Variants in UBA3 observed in about 807,000 individuals in gnomAD.
UBA3 encodes NEDD8-activating enzyme E1 catalytic subunit.
Under a neutral mutation model 73.5 loss-of-function variants are expected in UBA3, and 26 were observed. That is an observed-to-expected ratio of 0.35 (90% CI 0.26 to 0.49). The LOEUF (loss-of-function observed/expected upper bound fraction) is 0.49, where lower values mean the gene tolerates loss of function less well. Ranked by LOEUF, UBA3 falls within the 20% of genes least tolerant of loss-of-function variation. The probability of loss-of-function intolerance (pLI) is 0.98; values close to 1 mark genes in which losing one functional copy is unlikely to be tolerated. For missense variants in UBA3, 495 were observed against 555.6 expected (o/e 0.89, Z 1.10); for synonymous variants, 217 against 191.2 (o/e 1.13, Z -1.11).
At position 69,075,487 on chromosome 3, in the gene UBA3, T is replaced by C. The variant is rs2107500226; in HGVS notation, c.207A>G (p.Thr69=). The C allele has an allele frequency of 6.4e-7, 1 of 1,562,548 alleles. No individual in the cohort carries two copies. Among genetic ancestry groups the C allele is most frequent in the Non-Finnish European group, 8.6e-7 (1 of 1,157,780 alleles). Residue 69 remains threonine (T), a synonymous_variant, in exon 4 of 18, where the codon ACA becomes ACG. Transcript: ENST00000361055. ...CAGCTCCAATGACTAGAACTTTACATGTATCTAACAAGAACTGGAGAGACT... is the reference window on the plus strand; with the variant it reads ...CAGCTCCAATGACTAGAACTTTACACGTATCTAACAAGAACTGGAGAGACT... ...STESLQFLLD[T]CKVLVIGAGG... is the part of the protein sequence containing the mutation.
chr3:69,063,494 A>G lies in UBA3; in HGVS notation c.482T>C (p.Ile161Thr). The stretch of plus-strand genomic sequence containing the variant: ...GATAGAGTCCAGTCCACATACAATA[A>G]TATGAAATTCTACAAAAAAAAAAAA... ...FNDTFYRQFH[I>T]IVCGLDSIIA... Residue 161 changes from isoleucine (I) to threonine (T), a missense_variant, in exon 8 of 18, where the codon ATT becomes ACT. Coordinates refer to ENST00000361055, the MANE Select transcript of UBA3 (RefSeq NM_003968.4). The G allele has an allele frequency of 1.3e-6, 2 of 1,552,704 alleles. No individual in the cohort carries two copies. Among genetic ancestry groups the G allele is most frequent in the Non-Finnish European group, 1.7e-6 (2 of 1,158,206 alleles).
intron 2 of UBA3, 109 bp downstream of exon 2, chr3:69,080,003 G>A (rs1217116843): frequency 7.7e-5 from 80 of 1,042,456 alleles, no homozygotes; most frequent in Admixed American, 2.6e-4. Context: ...CCTGCGCTCC[G>A]GGTGTCCCCC....
In UBA3 at chr3:69,056,707, A is replaced by T; in HGVS notation, c.1002-14T>A. 1 of 1,612,094 alleles carries T rather than the reference A, an allele frequency of 6.2e-7. No individual in the cohort carries two copies. Among genetic ancestry groups the T allele is most frequent in the Non-Finnish European group, 8.5e-7 (1 of 1,179,016 alleles). ...GGAATGTATGCACTGTAATGAAAAA[A>T]TGTTCATCTTTATATAATTAAACCA... On this transcript the variant is annotated splice_polypyrimidine_tract_variant and intron_variant, in intron 13 of 17. Coordinates refer to ENST00000361055, the MANE Select transcript of UBA3 (RefSeq NM_003968.4).
intron 11 of UBA3, among the ~76,000 whole-genome samples, chr3:69,060,379 T>C (rs2092011987): frequency 6.6e-6 from 1 of 151,842 alleles, no homozygotes; most frequent in Non-Finnish European, 1.5e-5. Context: ...CATCCAGCTT[T>C]CAGTGGCTAG....
At chr3:69,068,680 T>G (rs965852235) in intron 5 of UBA3, among the ~76,000 whole-genome samples, 27 of 152,078 alleles carry the variant, frequency 1.8e-4, no homozygotes, top group African/African-American at 6.0e-4. Flanking sequence ...CCTCCCAGGT[T>G]CAAGCAATTC....
intron 11 of UBA3, 183 bp downstream of exon 11, chr3:69,061,631 G>A: frequency 1.0e-5 from 5 of 489,366 alleles, no homozygotes; most frequent in Non-Finnish European, 1.8e-5. Flanking sequence ...TATAGCCTAA[G>A]TAAGTAAGAT....
At chr3:69,077,735 C>G (rs559096223) in intron 3 of UBA3, 63 bp downstream of exon 3, 24 of 1,441,350 alleles carry the variant, frequency 1.7e-5, no homozygotes, top group African/African-American at 1.4e-5. Context: ...AAAAAAGAAG[C>G]ATTCTATTAG....
chr3:69,076,107 G>A (rs1470941226), intron 3 of UBA3, among the ~76,000 whole-genome samples: 1 of 152,102 alleles, frequency 6.6e-6, no homozygotes, highest in African/African-American at 2.4e-5. Context: ...TCTCTAATTT[G>A]TTTTTTAATT....
intron 2 of UBA3, among the ~76,000 whole-genome samples, chr3:69,078,573 A>G (rs2092189293): frequency 1.3e-5 from 2 of 152,122 alleles, no homozygotes; most frequent in South Asian, 4.1e-4. Context: ...TCCTGGGCTC[A>G]AGTGATTCTC....
At chr3:69,080,366 C>T (rs780763139), upstream of UBA3, 6 of 1,598,622 alleles carry the variant, frequency 3.8e-6, 1 homozygote, top group South Asian at 6.8e-5. Context: ...TGTTCTCCGC[C>T]TCTTCCCAGG....
In UBA3 at chr3:69,063,008, A is replaced by T; in HGVS notation, c.667T>A (p.Cys223Ser). 1 of 1,614,084 alleles carries T rather than the reference A, an allele frequency of 6.2e-7. No homozygotes were observed. Among genetic ancestry groups the T allele is most frequent in the Non-Finnish European group, 8.5e-7 (1 of 1,179,986 alleles). Residue 223 changes from cysteine (C) to serine (S), a missense_variant, in exon 9 of 18, where the codon TGC (cysteine) becomes AGC (serine). Transcript: ENST00000361055. ...TGTGGTGGATAAAGTTCCAGCGTGC[A>T]TTCGATACAAGCAGTCATTCCAGGC... Reference protein sequence around the residue: ...ILPGMTACIECTLELYPPQVN... With the variant: ...ILPGMTACIESTLELYPPQVN...
rs765790153 is a variant in UBA3, at chr3:69,078,474, TTTTC to T, written c.63-560_63-557del. Among the ~76,000 whole-genome samples the T allele has an allele frequency of 1.1e-4, 16 of 152,256 alleles. No homozygotes were observed. The South Asian group carries it at 1.7e-3, about 16-fold the overall frequency. On this transcript the variant is annotated intron_variant, in intron 2 of 17. Transcript: ENST00000361055. ...TCTCAGAAATAAGGTTATTTTTTCT[TTTTC>T]TTTTTCTTTTTTTGTGACAGAGTCT...
rs1196462041 is a variant in UBA3 at position 69,062,166 on chromosome 3, A to G, written c.707T>C (p.Met236Thr). 1 of 1,611,462 alleles carries G rather than the reference A, an allele frequency of 6.2e-7. No individual in the cohort carries two copies. Among genetic ancestry groups the G allele is most frequent in the Non-Finnish European group, 8.5e-7 (1 of 1,178,396 alleles). Residue 236 changes from methionine (M) to threonine (T), a missense_variant, in exon 10 of 18, where the codon ATG (methionine) becomes ACG (threonine). Met to Thr is a moderately conservative substitution (Grantham distance 81). Transcript: ENST00000361055. ...CCTGGGCATAGATGCAATGGTGCAC[A>G]TGGGAAAATTAACCTAAAACCACAG... The part of the protein sequence containing the change: ...ELYPPQVNFP[M>T]CTIASMPRLP...
chr3:69,062,357 C>G (rs2092028725), intron 9 of UBA3, among the ~76,000 whole-genome samples, 178 bp from the exon 10 acceptor site: 1 of 152,194 alleles, frequency 6.6e-6, no homozygotes, highest in African/African-American at 2.4e-5. Context: ...TTCACTTAGG[C>G]TGCACTGCCT....
intron 3 of UBA3, 48 bp from the exon 4 acceptor site, chr3:69,075,558 G>T: frequency 8.5e-7 from 1 of 1,175,042 alleles, no homozygotes; most frequent in Non-Finnish European, 1.2e-6. Context: ...TAACCGCAAA[G>T]ACTATAAATA....
At chr3:69,080,312 T>G in intron 1 of UBA3, 22 bp downstream of exon 1, 3 of 1,604,112 alleles carry the variant, frequency 1.9e-6, no homozygotes, top group Non-Finnish European at 2.5e-6. Flanking sequence ...GCCCGGCGCG[T>G]CTGCAGAGCC....
chr3:69,069,828 T>C (rs1368003236), intron 5 of UBA3, among the ~76,000 whole-genome samples: 5 of 152,242 alleles, frequency 3.3e-5, no homozygotes, highest in Admixed American at 3.3e-4. Context: ...TCTAAGATTA[T>C]TTTAAGTAAT....
rs370585023 is a variant in UBA3, at chr3:69,073,796, C to G, written c.264+1634G>C. ...GACTACAGGCACCTGCCACCACGCC[C>G]GGCTAATTTTTTGTTTTCTGTATTT... On this transcript the variant is annotated intron_variant, in intron 4 of 17. Coordinates refer to ENST00000361055, the MANE Select transcript of UBA3 (RefSeq NM_003968.4). 2.3e-3 allele frequency among the ~76,000 whole-genome samples: 327 copies of G among 145,100 alleles called. 1 individual carries two copies. The highest frequency in any genetic ancestry group is 7.7e-3 in the African/African-American group (316 of 40,950).
chr3:69,062,997 T>A lies in UBA3; in HGVS notation c.678A>T (p.Glu226Asp), dbSNP rs768686688. 5.6e-5 allele frequency: 90 copies of A among 1,613,890 alleles called. No homozygotes were observed. Among genetic ancestry groups the A allele is most frequent in the Non-Finnish European group, 7.5e-5 (89 of 1,179,948 alleles). The change falls in exon 9 of 18, where the codon GAA becomes GAT. Residue 226 changes from glutamate to aspartate, a missense_variant. Coordinates refer to ENST00000361055, the MANE Select transcript of UBA3 (RefSeq NM_003968.4). Reference protein sequence around the residue: ...GMTACIECTLELYPPQVNFPM... With the variant: ...GMTACIECTLDLYPPQVNFPM... ...TTTTGATTACCTGTGGTGGATAAAG[T>A]TCCAGCGTGCATTCGATACAAGCAG...
Sources: allele counts gnomAD v4.1 joint callset (sites outside exome capture counted in the v4.1 genomes callset), GRCh38; gene constraint gnomAD v4.1.1; transcripts MANE v1.5; gene names NCBI Gene and HGNC (gene_info 2026-07-23, HGNC 2026-07-21).